The following MAGI3 variants were observed in gnomAD, a reference collection of about 807,000 sequenced individuals.
MAGI3 encodes membrane-associated guanylate kinase, WW and PDZ domain-containing protein 3.
MAGI3 carries 43 observed loss-of-function variants against 121.8 expected under a neutral mutation model. That is an observed-to-expected ratio of 0.35 (90% CI 0.28 to 0.46). The LOEUF (loss-of-function observed/expected upper bound fraction) is 0.46. Among genes scored for constraint, MAGI3 ranks in the 20% least tolerant of loss-of-function variants. The probability of loss-of-function intolerance (pLI) is 1.00; values close to 1 mark genes in which losing one functional copy is unlikely to be tolerated. For missense variants in MAGI3, 1,547 were observed against 1,797.3 expected (o/e 0.86, Z 2.52); for synonymous variants, 553 against 639.3 (o/e 0.86, Z 2.04).
intron 1 of MAGI3, among the ~76,000 whole-genome samples, chr1:113,458,055 A>G (rs1334795277): frequency 6.6e-6 from 1 of 152,222 alleles, no homozygotes; most frequent in African/African-American, 2.4e-5. Flanking sequence ...TGTGGGCCAT[A>G]AGAAGGAGTT....
intron 20 of MAGI3, chr1:113,682,630 G>C (rs1359306217): frequency 1.0e-6 from 1 of 979,832 alleles, no homozygotes; most frequent in Admixed American, 6.2e-5. Flanking sequence ...AGAATTTACA[G>C]ATCATATATT....
intron 1 of MAGI3, among the ~76,000 whole-genome samples, chr1:113,512,290 C>G (rs939462475): frequency 1.3e-5 from 2 of 152,096 alleles, no homozygotes; most frequent in Non-Finnish European, 2.9e-5. Context: ...ATGTTTAGAC[C>G]TCTCTTAGCT....
Position 113,585,440 on chromosome 1 carries a change from G to A in MAGI3, c.607G>A (p.Asp203Asn). Residue 203 changes from aspartate (D) to asparagine (N), a missense_variant, in exon 4 of 21, where the codon GAT becomes AAT. By Grantham distance (23) the Asp-to-Asn change is conservative (BLOSUM62 1). Coordinates refer to ENST00000307546, the MANE Select transcript of MAGI3 (RefSeq NM_001142782.2). ...AGCAGAACCCAGCCCTTTTCAGCCA[G>A]ATCCAGTTGATCAAGTCCTCTTTGA... ...PPAEPSPFQP[D>N]PVDQVLFDNE... The A allele has an allele frequency of 3.7e-6, 6 of 1,614,104 alleles. No individual in the cohort carries two copies. The highest frequency in any genetic ancestry group is 5.1e-6 in the Non-Finnish European group (6 of 1,179,996).
intron 1 of MAGI3, among the ~76,000 whole-genome samples, chr1:113,546,055 T>A (rs1036759748): frequency 2.6e-5 from 4 of 152,156 alleles, no homozygotes; most frequent in African/African-American, 9.7e-5. Flanking sequence ...GTTCAAGATA[T>A]TTACATATTT....
At chr1:113,520,964 T>G (rs1400718481) in intron 1 of MAGI3, among the ~76,000 whole-genome samples, 1 of 152,132 alleles carries the variant, frequency 6.6e-6, no homozygotes. Context: ...GAGGGCATGC[T>G]TAATTATAAA....
chr1:113,395,202 T>C (rs1651045709), intron 1 of MAGI3, among the ~76,000 whole-genome samples: 1 of 150,474 alleles, frequency 6.6e-6, no homozygotes, highest in Non-Finnish European at 1.5e-5. Context: ...TTAGAGTTAA[T>C]TGTTAGCCTC....
chr1:113,563,789 C>G (rs1017318216), intron 2 of MAGI3, among the ~76,000 whole-genome samples: 3 of 152,126 alleles, frequency 2.0e-5, no homozygotes, highest in Non-Finnish European at 4.4e-5. Flanking sequence ...AGCTTGCTGG[C>G]GAATTTCACT....
chr1:113,427,111 A>G (rs532235618), intron 1 of MAGI3, among the ~76,000 whole-genome samples: 1 of 152,290 alleles, frequency 6.6e-6, no homozygotes, highest in South Asian at 2.1e-4. Flanking sequence ...ATGATGTTTA[A>G]GTCCCAGAGT....
At chr1:113,514,541 C>T (rs370748086) in intron 1 of MAGI3, among the ~76,000 whole-genome samples, 135 of 151,588 alleles carry the variant, frequency 8.9e-4, no homozygotes, top group East Asian at 2.7e-3. Context: ...AACCAAACAC[C>T]GCATATTCTC....
chr1:113,655,954 T>TA (rs915428050), intron 15 of MAGI3, among the ~76,000 whole-genome samples: 6 of 151,602 alleles, frequency 4.0e-5, no homozygotes, highest in Admixed American at 6.6e-5. Context: ...ACTTTTCTTT[T>TA]AAAAAAAAAC....
chr1:113,514,397 T>G (rs1419731350), intron 1 of MAGI3, among the ~76,000 whole-genome samples: 1 of 152,024 alleles, frequency 6.6e-6, no homozygotes, highest in East Asian at 1.9e-4. Flanking sequence ...AATGATAGAC[T>G]GGATTAAGAA....
intron 1 of MAGI3, among the ~76,000 whole-genome samples, chr1:113,454,221 G>A (rs1346910041): frequency 6.6e-6 from 1 of 152,230 alleles, no homozygotes; most frequent in East Asian, 1.9e-4. Context: ...TGCATATTTT[G>A]CTTGTTTTAA....
intron 1 of MAGI3, among the ~76,000 whole-genome samples, chr1:113,398,542 C>T (rs772332187): frequency 3.3e-5 from 5 of 151,980 alleles, no homozygotes; most frequent in Non-Finnish European, 5.9e-5. Flanking sequence ...ATTTGAAACA[C>T]GTAATTATTA....
intron 1 of MAGI3, among the ~76,000 whole-genome samples, chr1:113,419,668 T>A (rs1652634583): frequency 6.6e-6 from 1 of 152,162 alleles, no homozygotes; most frequent in South Asian, 2.1e-4. Context: ...GTTGGAGACA[T>A]CTTTTTCTTC....
At chr1:113,410,367 G>A (rs1345089073) in intron 1 of MAGI3, among the ~76,000 whole-genome samples, 1 of 151,730 alleles carries the variant, frequency 6.6e-6, no homozygotes, top group Non-Finnish European at 1.5e-5. Flanking sequence ...AAAGAATCAG[G>A]ACAAAAAATT....
In MAGI3 at chr1:113,681,261, A is replaced by T. The variant is rs771026051; in HGVS notation, c.3253A>T (p.Ile1085Phe). The T allele has an allele frequency of 1.1e-5, 18 of 1,614,082 alleles. No homozygotes were observed. The highest frequency in any genetic ancestry group is 1.4e-5 in the Non-Finnish European group (17 of 1,179,964). Residue 1085 changes from isoleucine to phenylalanine, a missense_variant, in exon 20 of 21, where the codon ATT becomes TTT. Ile to Phe is a conservative substitution (Grantham distance 21). Transcript: ENST00000307546. ...ACAAGGAATCACACATACTCGAGCA[A>T]TTGAGCTCATTCAGGCTGGTGGAAA... Reference protein sequence around the residue: ...PTQGITHTRAIELIQAGGNKV... With the variant: ...PTQGITHTRAFELIQAGGNKV...
intron 1 of MAGI3, among the ~76,000 whole-genome samples, chr1:113,512,186 A>C (rs1412761990): frequency 1.3e-5 from 2 of 152,224 alleles, no homozygotes; most frequent in African/African-American, 2.4e-5. Context: ...AGTCATAATA[A>C]AGCAAAACAT....
In MAGI3 at chr1:113,578,333, T is replaced by A. The variant is rs189583149; in HGVS notation, c.434-2209T>A. Reference sequence around the variant, plus strand: ...GGGATGAGGCAACAGGCCCCACCTCTTAGGAGGTGCAGAATATCGTCATCA... The same window carrying A: ...GGGATGAGGCAACAGGCCCCACCTCATAGGAGGTGCAGAATATCGTCATCA... On this transcript the variant is annotated intron_variant, in intron 2 of 20. Transcript: ENST00000307546. Among the ~76,000 whole-genome samples, 337 of 152,302 alleles carry A rather than the reference T, an allele frequency of 2.2e-3. 2 individuals are homozygous for A. The highest frequency in any genetic ancestry group is 7.1e-4 in the Non-Finnish European group (48 of 68,014).
chr1:113,628,963 G>A (rs1249193097), intron 9 of MAGI3, among the ~76,000 whole-genome samples: 1 of 151,950 alleles, frequency 6.6e-6, no homozygotes, highest in Non-Finnish European at 1.5e-5. Flanking sequence ...TCTTTCTCTA[G>A]GTTTGGGAAG....
Sources: gnomAD v4.1 joint callset for allele counts (sites outside exome capture counted in the v4.1 genomes callset) on GRCh38, gnomAD v4.1.1 for gene constraint, MANE v1.5 for transcripts, NCBI Gene and HGNC (gene_info 2026-07-23, HGNC 2026-07-21) for gene names.